C2CD3: variants seen among roughly 807,000 people sequenced by gnomAD.
The protein encoded by C2CD3 is C2 domain-containing protein 3.
Under a neutral mutation model 234.0 loss-of-function variants are expected in C2CD3, and 148 were observed. That is an observed-to-expected ratio of 0.63 (90% CI 0.55 to 0.72). The LOEUF is 0.72. Among genes scored for constraint, C2CD3 ranks in the 30% least tolerant of loss-of-function variants. The pLI is 0.00. For synonymous variants in C2CD3, 1,000 were observed against 1,035.4 expected (o/e 0.97, Z 0.66); for missense variants, 2,577 against 2,811.5 (o/e 0.92, Z 1.89).
chr11:74,123,632 AAC>A (rs1417348646), intron 7 of C2CD3, among the ~76,000 whole-genome samples: 1 of 152,206 alleles, frequency 6.6e-6, no homozygotes, highest in Non-Finnish European at 1.5e-5. Flanking sequence ...AAATGAATAA[AAC>A]ACAGTTTACA....
At chr11:74,054,721 A>G (rs752730649) in intron 25 of C2CD3, 50 bp from the exon 26 acceptor site, 2 of 1,254,898 alleles carry the variant, frequency 1.6e-6, no homozygotes, top group Admixed American at 4.0e-5. Context: ...AACTTTCTGT[A>G]GTATAAAACT....
chr11:74,034,189 C>A lies in C2CD3; in HGVS notation c.5971G>T (p.Ala1991Ser). 6.5e-7 allele frequency: 1 copy of A among 1,536,214 alleles called. No individual in the cohort carries two copies. The highest frequency in any genetic ancestry group is 1.2e-5 in the South Asian group (1 of 84,048). Residue 1991 changes from alanine to serine, a missense_variant, in exon 31 of 33, where the codon GCT (alanine) becomes TCT (serine). By Grantham distance (99) the Ala-to-Ser change is moderately conservative. Coordinates refer to ENST00000334126, the MANE Select transcript of C2CD3 (RefSeq NM_001286577.2). ...TCTTGCAGTGCTTCTGTGTCCTGAGCATCTGGGAGGGTGGTGGCCTTGTTG... is the reference window on the plus strand; with the variant it reads ...TCTTGCAGTGCTTCTGTGTCCTGAGAATCTGGGAGGGTGGTGGCCTTGTTG... ...RSNKATTLPD[A>S]QDTEALQERC...
At chr11:74,016,271 T>C (rs188945755) in intron 32 of C2CD3, among the ~76,000 whole-genome samples, 7 of 152,098 alleles carry the variant, frequency 4.6e-5, no homozygotes, top group Non-Finnish European at 8.8e-5. Flanking sequence ...ACTGAGAAAA[T>C]AGCAATTAGT....
chr11:74,045,406 G>T (rs937152164), intron 28 of C2CD3, among the ~76,000 whole-genome samples: 4 of 152,116 alleles, frequency 2.6e-5, no homozygotes, highest in African/African-American at 7.2e-5. Context: ...CTAATTTTAA[G>T]ATCAGCTTGT....
At chr11:74,150,516 C>CAAA (rs1162306851) in intron 3 of C2CD3, among the ~76,000 whole-genome samples, 7 of 66,006 alleles carry the variant, frequency 1.1e-4, no homozygotes, top group East Asian at 4.9e-4. Context: ...AAAAAAAAAA[C>CAAA]AAAAAAAAAA....
chr11:74,066,526 T>A (rs1033611293), intron 24 of C2CD3, among the ~76,000 whole-genome samples: 1 of 152,022 alleles, frequency 6.6e-6, no homozygotes, highest in African/African-American at 2.4e-5. Context: ...CCTCTCTAGG[T>A]GCAATCACTG....
chr11:74,137,053 G>C (rs1214364201), intron 5 of C2CD3, among the ~76,000 whole-genome samples: 1 of 146,124 alleles, frequency 6.8e-6, no homozygotes, highest in African/African-American at 2.5e-5. Context: ...TTAGAGATGA[G>C]ATCTTGCTAT....
At chr11:74,018,198 C>G (rs1461654493) in intron 32 of C2CD3, among the ~76,000 whole-genome samples, 1 of 152,158 alleles carries the variant, frequency 6.6e-6, no homozygotes, top group East Asian at 1.9e-4. Flanking sequence ...GGTATAATAT[C>G]TTACAAAACA....
rs5792646 is a variant in C2CD3 at position 74,123,737 on chromosome 11, CTT to C, written c.1218-604_1218-603del. On this transcript the variant is annotated intron_variant, in intron 7 of 32. Coordinates refer to ENST00000334126, the MANE Select transcript of C2CD3 (RefSeq NM_001286577.2). ...TTTTTTTGAAATCCCACGCTGGTAT[CTT>C]TTTTTTTTTTTTTTTTGAGGTGGAG... is the stretch of plus-strand genomic sequence containing the variant. Among the ~76,000 whole-genome samples the C allele has an allele frequency of 3.3e-4, 39 of 119,436 alleles. 1 individual carries two copies. The highest frequency in any genetic ancestry group is 6.0e-4 in the Admixed American group (7 of 11,662). The allele number at this position is 119,436 out of a possible 152,430, so 78.4% of individuals were successfully genotyped here.
Position 74,028,318 on chromosome 11 carries a change from G to A in C2CD3, c.6890C>T (p.Ala2297Val). The A allele has an allele frequency of 2.0e-6, 3 of 1,536,102 alleles. No homozygotes were observed. Among genetic ancestry groups the A allele is most frequent in the Non-Finnish European group, 2.6e-6 (3 of 1,146,852 alleles). The change falls in exon 32 of 33, where the codon GCA (alanine) becomes GTA (valine). Residue 2297 changes from alanine (A) to valine (V), a missense_variant. Ala to Val is a moderately conservative substitution (Grantham distance 64, BLOSUM62 0). Transcript: ENST00000334126. ...TGTTGTGGCTGCTGGTGGCAAAGTT[G>A]CTGAGAGTGAAAGCATCCGCAGGGA... ...EASLRMLSLS[A>V]TLPPAATTDQ...
chr11:74,132,122 G>A (rs554768048), intron 7 of C2CD3, among the ~76,000 whole-genome samples: 2 of 152,262 alleles, frequency 1.3e-5, no homozygotes, highest in Middle Eastern at 3.4e-3. Context: ...AGGCTGAAGC[G>A]AGTGGATCAC....
chr11:74,049,358 T>A lies in C2CD3; in HGVS notation c.5340A>T (p.Gly1780=), dbSNP rs754971842. 4 of 1,614,142 alleles carry A rather than the reference T, an allele frequency of 2.5e-6. No individual in the cohort carries two copies. The East Asian group carries it at 8.9e-5, about 36-fold the overall frequency. Residue 1780 remains glycine (G), a synonymous_variant, in exon 27 of 33, where the codon GGA becomes GGT. Transcript: ENST00000334126. ...ATACCAGTGATTTTGAGGTCTCCAC[T>A]CCACGCCTTGCTTGCCTTTCTTCTT... is the stretch of plus-strand genomic sequence containing the variant. ...HFKEERQARR[G]VETSKSLIPI... is the part of the protein sequence containing the mutation.
chr11:74,015,873 C>G (rs1951861119), intron 32 of C2CD3, among the ~76,000 whole-genome samples: 1 of 147,370 alleles, frequency 6.8e-6, no homozygotes, highest in African/African-American at 2.6e-5. Flanking sequence ...TTGTGACCAG[C>G]TTGGTCAACA....
chr11:74,091,577 C>T (rs931029901), intron 19 of C2CD3, among the ~76,000 whole-genome samples: 4 of 152,228 alleles, frequency 2.6e-5, no homozygotes, highest in African/African-American at 7.2e-5. Context: ...GGTACACCAT[C>T]CTGCTGGAAG....
At chr11:74,113,550 T>C (rs564865219) in intron 11 of C2CD3, 6 of 483,368 alleles carry the variant, frequency 1.2e-5, no homozygotes, top group Non-Finnish European at 2.3e-5. Context: ...TGTGGTGGCA[T>C]ACGCCTGTAA....
chr11:74,074,425 C>T lies in C2CD3; in HGVS notation c.4779G>A (p.Gln1593=). 1.9e-6 allele frequency: 3 copies of T among 1,614,194 alleles called. No individual in the cohort carries two copies. Among genetic ancestry groups the T allele is most frequent in the Non-Finnish European group, 2.5e-6 (3 of 1,180,032 alleles). Residue 1593 remains glutamine (Q), a synonymous_variant, in exon 24 of 33, where the codon CAG becomes CAA. Transcript: ENST00000334126. ...EQLPRRNDEV[Q]LSPPEVISCH... is the part of the protein sequence containing the mutation. ...AGGAGATGACTTCTGGTGGAGAGAG[C>T]TGGACCTCATCATTCCTTCTGGGGA...
chr11:74,037,393 C>T (rs1952795696), intron 30 of C2CD3, 85 bp downstream of exon 30: 3 of 1,056,858 alleles, frequency 2.8e-6, no homozygotes, highest in Non-Finnish European at 4.4e-6. Flanking sequence ...GTCATAGGGG[C>T]TTGTCCGAAG....
Position 74,072,703 on chromosome 11 carries a change from A to AT in C2CD3, c.4951+1549dup, listed in dbSNP as rs770706315. ...TAGAATGTAATCTCCACAGGGCACA[A>AT]TTTTTGTCTGTCCTTTTTTTTTACT... On this transcript the variant is annotated intron_variant, in intron 24 of 32. Coordinates refer to ENST00000334126, the MANE Select transcript of C2CD3 (RefSeq NM_001286577.2). 1.7e-3 allele frequency among the ~76,000 whole-genome samples: 218 copies of AT among 129,840 alleles called. 1 individual carries two copies. Among genetic ancestry groups the AT allele is most frequent in the Non-Finnish European group, 3.4e-4 (21 of 61,962 alleles). 85.2% of individuals were successfully genotyped at this position (129,840 alleles called of 152,430 possible). A position where few individuals can be genotyped will look rare whatever the true frequency, so the allele number is the denominator to read the frequency against.
At chr11:74,077,809 A>AATCTCT (rs1955123641) in intron 23 of C2CD3, among the ~76,000 whole-genome samples, 1 of 27,228 alleles carries the variant, frequency 3.7e-5, no homozygotes, top group Non-Finnish European at 7.0e-5. Context: ...ATATATATAT[A>AATCTCT]TATATATATA....
Sources: allele counts gnomAD v4.1 joint callset (sites outside exome capture counted in the v4.1 genomes callset), GRCh38; gene constraint gnomAD v4.1.1; transcripts MANE v1.5; gene names NCBI Gene and HGNC (gene_info 2026-07-23, HGNC 2026-07-21).